Variants in SLC4A4 observed in about 807,000 individuals in gnomAD.
The protein encoded by SLC4A4 is electrogenic sodium bicarbonate cotransporter 1.
A neutral mutation model predicts 111.5 loss-of-function variants in SLC4A4; 27 were observed. The ratio of observed to expected loss-of-function variants is 0.24; its 90% confidence interval spans 0.18 to 0.33. The LOEUF (loss-of-function observed/expected upper bound fraction) is 0.33. Among genes scored for constraint, SLC4A4 ranks in the 10% least tolerant of loss-of-function variants. The pLI, the probability that SLC4A4 is intolerant of heterozygous loss-of-function variation, is 1.00. For synonymous variants in SLC4A4, 443 were observed against 463.4 expected (o/e 0.96, Z 0.57); for missense variants, 909 against 1,315.5 (o/e 0.69, Z 4.78).
At chr4:71,443,152 A>ATATATATATATATATATATAT (rs1724918756) in intron 8 of SLC4A4, among the ~76,000 whole-genome samples, 2 of 113,954 alleles carry the variant, frequency 1.8e-5, no homozygotes, top group African/African-American at 3.5e-5. Flanking sequence ...ATATATATAT[A>ATATATATATATATATATATAT]AATTTTTTGA....
intron 1 of SLC4A4, among the ~76,000 whole-genome samples, chr4:71,214,423 G>A (rs143812200): frequency 1.4e-4 from 22 of 152,230 alleles, no homozygotes; most frequent in East Asian, 9.7e-4. Flanking sequence ...TTCCATAAAC[G>A]CATCATCATG....
At chr4:71,393,619 C>G (rs1719520637) in intron 6 of SLC4A4, among the ~76,000 whole-genome samples, 1 of 151,904 alleles carries the variant, frequency 6.6e-6, no homozygotes, top group Non-Finnish European at 1.5e-5. Flanking sequence ...AACACAAACT[C>G]TATCAAAATA....
At chr4:71,152,031 T>A (rs561807992) in intron 2 of SLC4A4, among the ~76,000 whole-genome samples, 115 of 151,940 alleles carry the variant, frequency 7.6e-4, no homozygotes, top group Non-Finnish European at 1.3e-3. Context: ...CAAAAAAAAA[T>A]TTTCTTTCAG....
intron 2 of SLC4A4, among the ~76,000 whole-genome samples, chr4:71,126,709 T>G (rs777002315): frequency 3.9e-5 from 6 of 152,248 alleles, no homozygotes; most frequent in Admixed American, 1.3e-4. Flanking sequence ...ACTTAAAATA[T>G]GAATATGAGG....
intron 18 of SLC4A4, among the ~76,000 whole-genome samples, chr4:71,534,810 A>G (rs1466716781): frequency 6.6e-6 from 1 of 152,154 alleles, no homozygotes; most frequent in East Asian, 1.9e-4. Context: ...TCATGGTTGT[A>G]AGCTGGTGGT....
intron 18 of SLC4A4, among the ~76,000 whole-genome samples, chr4:71,542,185 A>G (rs1560604517): frequency 1.3e-5 from 2 of 152,174 alleles, no homozygotes; most frequent in Non-Finnish European, 2.9e-5. Context: ...TGTACTAGAC[A>G]TGGTAAGCCT....
chr4:71,067,941 A>C (rs1741566217), intron 1 of SLC4A4, among the ~76,000 whole-genome samples: 1 of 151,570 alleles, frequency 6.6e-6, no homozygotes. Context: ...TAGAGATAGG[A>C]TCTTGCTATG....
At chr4:71,452,429 T>A (rs1202549797) in intron 11 of SLC4A4, among the ~76,000 whole-genome samples, 1 of 152,206 alleles carries the variant, frequency 6.6e-6, no homozygotes, top group African/African-American at 2.4e-5. Flanking sequence ...TAATTGAATG[T>A]CTGTAGTATG....
chr4:71,195,533 G>A (rs2602078), intron 1 of SLC4A4, among the ~76,000 whole-genome samples: 23,065 of 152,030 alleles, frequency 0.15, 2,796 homozygotes, highest in African/African-American at 0.3. Context: ...ATAAATACAA[G>A]GGGTAGTTAT....
intron 16 of SLC4A4, among the ~76,000 whole-genome samples, chr4:71,506,666 G>A (rs149547621): frequency 1.3e-5 from 2 of 151,936 alleles, no homozygotes; most frequent in East Asian, 1.9e-4. Context: ...TTTGGAAAAC[G>A]CATTTCAGGA....
intron 3 of SLC4A4, among the ~76,000 whole-genome samples, chr4:71,337,279 T>G (rs1578865266): frequency 6.6e-6 from 1 of 152,222 alleles, no homozygotes; most frequent in East Asian, 1.9e-4. Flanking sequence ...CATATCAGAC[T>G]GAGCACCGTG....
intron 6 of SLC4A4, among the ~76,000 whole-genome samples, chr4:71,385,038 T>A (rs952041598): frequency 1.3e-5 from 2 of 151,186 alleles, no homozygotes; most frequent in African/African-American, 4.9e-5. Context: ...TAATAAAAAA[T>A]TTAAAAAGTA....
chr4:71,088,744 C>T (rs1357902130), intron 1 of SLC4A4, among the ~76,000 whole-genome samples: 1 of 152,056 alleles, frequency 6.6e-6, no homozygotes, highest in Non-Finnish European at 1.5e-5. Context: ...CCACTCTCTT[C>T]TGGCTTGTGA....
intron 7 of SLC4A4, among the ~76,000 whole-genome samples, chr4:71,423,012 A>G (rs1039988054): frequency 2.0e-5 from 3 of 152,192 alleles, no homozygotes; most frequent in Non-Finnish European, 4.4e-5. Flanking sequence ...AGAAGGAAAT[A>G]AAGGGTATTC....
intron 2 of SLC4A4, among the ~76,000 whole-genome samples, chr4:71,239,813 C>T (rs762996413): frequency 2.0e-4 from 30 of 152,164 alleles, no homozygotes; most frequent in Non-Finnish European, 3.8e-4. Flanking sequence ...CACTGGTTAC[C>T]TTGTACTATG....
rs574627894 is a variant in SLC4A4, at chr4:71,298,793, A to T, written c.254-40577A>T. The stretch of plus-strand genomic sequence containing the variant: ...TTCCTAGTTTGGAGAAGGGTTTCTG[A>T]TGATGAGTTGGGATTTGGTTTTCAT... On this transcript the variant is annotated intron_variant, in intron 3 of 25. Coordinates refer to ENST00000264485, the MANE Select transcript of SLC4A4 (RefSeq NM_001098484.3). 1.8e-4 allele frequency among the ~76,000 whole-genome samples: 28 copies of T among 152,312 alleles called. 1 individual carries two copies. Among genetic ancestry groups the T allele is most frequent in the African/African-American group, 6.5e-4 (27 of 41,570 alleles).
In SLC4A4 at chr4:71,570,723, C is replaced by T. The variant is rs536379323; in HGVS notation, c.*2972C>T. Reference sequence around the variant, plus strand: ...GTTGGAAGAAAAGAGATGACTAAGTCAAGTGTCTGCCTTATCAAAAGAGCA... The same window carrying T: ...GTTGGAAGAAAAGAGATGACTAAGTTAAGTGTCTGCCTTATCAAAAGAGCA... On this transcript the variant is annotated 3_prime_UTR_variant, in exon 26 of 26. Transcript: ENST00000264485. 4 of 152,206 alleles carry T rather than the reference C, an allele frequency of 2.6e-5. 1 individual carries two copies. In the South Asian group the frequency reaches 8.3e-4, roughly 32 times the overall value. The allele number at this position is 152,206 out of a possible 1,614,324, so 9.4% of individuals were successfully genotyped here. A position where few individuals can be genotyped will look rare whatever the true frequency, so the allele number is the denominator to read the frequency against.
chr4:71,306,125 T>G (rs1725666526), intron 3 of SLC4A4, among the ~76,000 whole-genome samples: 1 of 152,190 alleles, frequency 6.6e-6, no homozygotes, highest in Non-Finnish European at 1.5e-5. Context: ...CCACAGGGAC[T>G]CAGTTCAAGT....
chr4:71,208,110 C>T (rs1266641555), intron 1 of SLC4A4, among the ~76,000 whole-genome samples: 1 of 152,150 alleles, frequency 6.6e-6, no homozygotes. Flanking sequence ...TGCCTGGCTG[C>T]TCTCCTCCTT....
Sources: allele counts gnomAD v4.1 joint callset (sites outside exome capture counted in the v4.1 genomes callset), GRCh38; gene constraint gnomAD v4.1.1; transcripts MANE v1.5; gene names NCBI Gene and HGNC (gene_info 2026-07-23, HGNC 2026-07-21).